Variants in PACRG observed in about 807,000 individuals in gnomAD.
PACRG encodes parkin coregulated.
In PACRG, 29 loss-of-function variants were observed where a neutral mutation model predicts 29.7. That is an observed-to-expected ratio of 0.98 (90% confidence interval 0.73 to 1.33). The LOEUF is 1.33. Ranked by LOEUF, PACRG falls within the 40% of genes most tolerant of loss-of-function variation. The pLI, the probability that PACRG is intolerant of heterozygous loss-of-function variation, is 0.00. For missense variants in PACRG, 279 were observed against 316.2 expected (o/e 0.88, Z 0.89); for synonymous variants, 116 against 118.7 (o/e 0.98, Z 0.15).
At chr6:162,812,251 G>C (rs1786935769) in intron 1 of PACRG, among the ~76,000 whole-genome samples, 1 of 152,040 alleles carries the variant, frequency 6.6e-6, no homozygotes, top group South Asian at 2.1e-4. Context: ...TGTGTTCTCT[G>C]TGTGTTATTT....
intron 2 of PACRG, among the ~76,000 whole-genome samples, chr6:163,044,083 G>A (rs888369081): frequency 3.9e-5 from 6 of 152,038 alleles, no homozygotes; most frequent in Admixed American, 6.5e-5. Context: ...AGAGAATCAC[G>A]CAAGATAACA....
chr6:162,851,786 T>G (rs1790880590), intron 2 of PACRG, among the ~76,000 whole-genome samples: 4 of 152,120 alleles, frequency 2.6e-5, no homozygotes, highest in African/African-American at 9.7e-5. Flanking sequence ...ATTAAAAAAT[T>G]TCCCATAACC....
intron 4 of PACRG, among the ~76,000 whole-genome samples, chr6:163,285,610 A>G (rs17470834): frequency 0.15 from 22,664 of 152,200 alleles, 2,018 homozygotes; most frequent in Non-Finnish European, 0.2. Context: ...CAATTAGGAA[A>G]ATGGCCCAGC....
chr6:163,021,501 CAGG>C (rs772574021), intron 2 of PACRG, among the ~76,000 whole-genome samples: 37 of 152,310 alleles, frequency 2.4e-4, no homozygotes, highest in Admixed American at 4.6e-4. Context: ...CAATGCTGGG[CAGG>C]AGATGTTTGT....
At chr6:163,036,597 TA>T in intron 2 of PACRG, among the ~76,000 whole-genome samples, 1 of 152,314 alleles carries the variant, frequency 6.6e-6, no homozygotes, top group African/African-American at 2.4e-5. Context: ...CATTTTACCC[TA>T]AATGGGATGC....
At chr6:163,029,971 G>GA (rs1194437250) in intron 2 of PACRG, among the ~76,000 whole-genome samples, 1 of 151,858 alleles carries the variant, frequency 6.6e-6, no homozygotes, top group Admixed American at 6.6e-5. Context: ...AGGGTGAAAG[G>GA]AAAAAAGGTT....
intron 2 of PACRG, among the ~76,000 whole-genome samples, chr6:162,951,194 T>C (rs1028791540): frequency 6.6e-6 from 1 of 152,244 alleles, no homozygotes. Flanking sequence ...TTTGTTGTAA[T>C]GCAATGATGT....
At chr6:162,844,440 C>T (rs753143067) in intron 2 of PACRG, among the ~76,000 whole-genome samples, 4 of 152,236 alleles carry the variant, frequency 2.6e-5, no homozygotes, top group African/African-American at 4.8e-5. Context: ...GGCAATGCCT[C>T]GCCCTGCTTC....
At chr6:163,181,064 G>T (rs145513959) in intron 4 of PACRG, among the ~76,000 whole-genome samples, 30 of 152,294 alleles carry the variant, frequency 2.0e-4, no homozygotes, top group Non-Finnish European at 4.1e-4. Context: ...GCCTTCTCCG[G>T]ATACCAAAGC....
chr6:163,159,340 A>G (rs1290442669), intron 4 of PACRG, among the ~76,000 whole-genome samples: 1 of 148,844 alleles, frequency 6.7e-6, no homozygotes, highest in Non-Finnish European at 1.5e-5. Context: ...TTTTAGCTAA[A>G]AATAATAAAT....
chr6:163,260,269 C>T (rs997145803), intron 4 of PACRG, among the ~76,000 whole-genome samples: 13 of 152,248 alleles, frequency 8.5e-5, no homozygotes, highest in African/African-American at 2.7e-4. Flanking sequence ...CCTGGTCTGA[C>T]GCCAACCCGG....
chr6:162,795,731 ATAG>A (rs1182544669), intron 1 of PACRG, among the ~76,000 whole-genome samples: 1 of 151,902 alleles, frequency 6.6e-6, no homozygotes, highest in African/African-American at 2.4e-5. Flanking sequence ...CTATCACAAA[ATAG>A]TGTGTTTTCT....
At chr6:162,883,385 G>T (rs1276750247) in intron 2 of PACRG, among the ~76,000 whole-genome samples, 1 of 152,090 alleles carries the variant, frequency 6.6e-6, no homozygotes. Context: ...TAATTACAAA[G>T]ACATATTTGC....
chr6:162,995,692 A>T (rs1803964375), intron 2 of PACRG, among the ~76,000 whole-genome samples: 1 of 151,964 alleles, frequency 6.6e-6, no homozygotes, highest in African/African-American at 2.4e-5. Context: ...TGCAGAAATC[A>T]CCCGTCTTCT....
At chr6:163,253,122 C>G (rs1430209243) in intron 4 of PACRG, among the ~76,000 whole-genome samples, 2 of 150,732 alleles carry the variant, frequency 1.3e-5, no homozygotes, top group African/African-American at 4.9e-5. Context: ...CGTGGCGAAA[C>G]CCTGTCTCTA....
intron 3 of PACRG, among the ~76,000 whole-genome samples, chr6:163,074,435 C>T (rs116119994): frequency 2.3e-3 from 346 of 152,038 alleles, no homozygotes; most frequent in Middle Eastern, 0.017. Context: ...GGGGAGTAAG[C>T]GGGGATGGTT....
chr6:163,006,021 TTA>T (rs952659154), intron 2 of PACRG, among the ~76,000 whole-genome samples: 25 of 135,632 alleles, frequency 1.8e-4, no homozygotes, highest in South Asian at 4.3e-4. Flanking sequence ...GTTATATACA[TTA>T]TATATGTTAT....
intron 4 of PACRG, among the ~76,000 whole-genome samples, chr6:163,260,426 A>G (rs1783280525): frequency 2.0e-5 from 3 of 152,218 alleles, no homozygotes; most frequent in Admixed American, 2.0e-4. Flanking sequence ...CGGGCTTTAA[A>G]ACGCAGAGAT....
At chr6:163,096,352 C>T (rs570821132) in intron 4 of PACRG, among the ~76,000 whole-genome samples, 1 of 129,028 alleles carries the variant, frequency 7.8e-6, no homozygotes, top group Non-Finnish European at 1.6e-5. Context: ...GCAGGAGGCT[C>T]AGGCCACTCT....
Sources: gnomAD v4.1 joint callset for allele counts (sites outside exome capture counted in the v4.1 genomes callset) on GRCh38, gnomAD v4.1.1 for gene constraint, MANE v1.5 for transcripts, NCBI Gene and HGNC (gene_info 2026-07-23, HGNC 2026-07-21) for gene names.